SLC16A7: variants seen among roughly 807,000 people sequenced by gnomAD.
The protein encoded by SLC16A7 is solute carrier family 16 member 7, also known as monocarboxylate transporter 2.
In SLC16A7, 33 loss-of-function variants were observed where a neutral mutation model predicts 34.9. The observed-to-expected ratio is 0.94, with a 90% CI of 0.72 to 1.26. SLC16A7 has a LOEUF of 1.26. Ranked by LOEUF, SLC16A7 falls within the 50% of genes most tolerant of loss-of-function variation. SLC16A7 has a pLI of 0.00. For synonymous variants in SLC16A7, 201 were observed against 206.6 expected (o/e 0.97, Z 0.23); for missense variants, 573 against 578.1 (o/e 0.99, Z 0.09).
At chr12:59,604,524 A>G (rs910322361) in intron 1 of SLC16A7, among the ~76,000 whole-genome samples, 32 of 152,370 alleles carry the variant, frequency 2.1e-4, no homozygotes, top group African/African-American at 6.3e-4. Context: ...GGACCAAATA[A>G]GTGGCTATTA....
intron 3 of SLC16A7, among the ~76,000 whole-genome samples, chr12:59,750,395 A>T (rs1190702624): frequency 6.6e-6 from 1 of 152,140 alleles, no homozygotes; most frequent in Non-Finnish European, 1.5e-5. Flanking sequence ...TCAAAAAGTG[A>T]GCAAAGGATA....
intron 1 of SLC16A7, among the ~76,000 whole-genome samples, chr12:59,624,285 CG>C (rs1879825711): frequency 6.6e-6 from 1 of 151,580 alleles, no homozygotes; most frequent in South Asian, 2.1e-4. Context: ...CATTTGCTCT[CG>C]TTTTTTTCTT....
At chr12:59,734,100 TA>T in intron 3 of SLC16A7, 1 of 232,980 alleles carries the variant, frequency 4.3e-6, no homozygotes, top group Non-Finnish European at 8.8e-6. Flanking sequence ...GTCTCTGGAT[TA>T]AAGGTGGGGT....
chr12:59,753,396 A>C (rs1018838849), intron 3 of SLC16A7, among the ~76,000 whole-genome samples: 1 of 152,222 alleles, frequency 6.6e-6, no homozygotes, highest in Non-Finnish European at 1.5e-5. Flanking sequence ...GCTCAAAATA[A>C]AAGGATGGAA....
intron 5 of SLC16A7, among the ~76,000 whole-genome samples, chr12:59,775,747 C>T (rs1882698163): frequency 6.6e-6 from 1 of 151,972 alleles, no homozygotes; most frequent in Non-Finnish European, 1.5e-5. Flanking sequence ...TTATCTACTT[C>T]AGTTGTTTTG....
intron 3 of SLC16A7, among the ~76,000 whole-genome samples, chr12:59,765,414 A>C (rs1018423566): frequency 6.6e-6 from 1 of 152,194 alleles, no homozygotes. Flanking sequence ...GCCCATGCCT[A>C]TGTCCTGAAT....
chr12:59,615,886 C>T (rs1879426788), intron 1 of SLC16A7, among the ~76,000 whole-genome samples: 1 of 152,192 alleles, frequency 6.6e-6, no homozygotes, highest in African/African-American at 2.4e-5. Context: ...TGTTTGTTAC[C>T]TATCTTGCAC....
intron 2 of SLC16A7, among the ~76,000 whole-genome samples, chr12:59,681,924 A>G (rs893634041): frequency 1.3e-5 from 2 of 151,794 alleles, no homozygotes; most frequent in Non-Finnish European, 1.5e-5. Flanking sequence ...CTTAGAGCCA[A>G]TTAGAGTCCT....
In SLC16A7 at chr12:59,786,472, A is replaced by G. The variant is rs1592293736; in HGVS notation, c.*6793A>G. The G allele has an allele frequency of 6.6e-6, 1 of 152,042 alleles. No individual in the cohort carries two copies. The highest frequency in any genetic ancestry group is 2.4e-5 in the African/African-American group (1 of 41,418). 9.4% of individuals were successfully genotyped at this position (152,042 alleles called of 1,614,324 possible). ...TTCTGACAAGCTTTTCAATGGTACG[A>G]TGGATTTTATTTTTCTATCATCAAC... On this transcript the variant is annotated 3_prime_UTR_variant, in exon 6 of 6. Transcript: ENST00000547379.
chr12:59,721,112 A>AT, intron 3 of SLC16A7, among the ~76,000 whole-genome samples: 1 of 151,886 alleles, frequency 6.6e-6, no homozygotes, highest in East Asian at 1.9e-4. Context: ...TGGTAACCAT[A>AT]TTTTATATTA....
At position 59,782,102 on chromosome 12, in the gene SLC16A7, A is replaced by C. The variant is rs2137495335; in HGVS notation, c.*2423A>C. On this transcript the variant is annotated 3_prime_UTR_variant, in exon 6 of 6. Coordinates refer to ENST00000547379, the MANE Select transcript of SLC16A7 (RefSeq NM_001270623.2). The stretch of plus-strand genomic sequence containing the variant: ...CACTGTATTAAATTGTTAGAAAAGA[A>C]AGTAAAACTTGCACATTCAAAGCAC... The C allele has an allele frequency of 6.6e-6, 1 of 152,286 alleles. No individual in the cohort carries two copies. Among genetic ancestry groups the C allele is most frequent in the South Asian group, 2.1e-4 (1 of 4,830 alleles). The allele number at this position is 152,286 out of a possible 1,614,324, so 9.4% of individuals were successfully genotyped here. A position where few individuals can be genotyped will look rare whatever the true frequency, so the allele number is the denominator to read the frequency against.
intron 2 of SLC16A7, among the ~76,000 whole-genome samples, chr12:59,658,942 A>T (rs12297509): frequency 3.9e-5 from 6 of 152,078 alleles, no homozygotes; most frequent in Non-Finnish European, 5.9e-5. Context: ...TATGGTTAAA[A>T]TGAGTATAAT....
intron 2 of SLC16A7, among the ~76,000 whole-genome samples, chr12:59,672,898 C>T (rs1037407060): frequency 6.6e-6 from 1 of 152,120 alleles, no homozygotes; most frequent in African/African-American, 2.4e-5. Flanking sequence ...GGATGGAAGG[C>T]TGTGCCATCT....
chr12:59,633,247 C>T (rs1313431362), intron 1 of SLC16A7, among the ~76,000 whole-genome samples: 1 of 151,954 alleles, frequency 6.6e-6, no homozygotes, highest in African/African-American at 2.4e-5. Flanking sequence ...CTACTCTATT[C>T]TATTTTCTTG....
chr12:59,770,127 T>A (rs1397278435), intron 3 of SLC16A7, among the ~76,000 whole-genome samples: 3 of 152,156 alleles, frequency 2.0e-5, no homozygotes, highest in Non-Finnish European at 4.4e-5. Flanking sequence ...AGAACTTTTT[T>A]AGACTTAAAT....
chr12:59,642,676 T>C (rs1039318039), intron 1 of SLC16A7, among the ~76,000 whole-genome samples: 1 of 152,060 alleles, frequency 6.6e-6, no homozygotes, highest in African/African-American at 2.4e-5. Context: ...CTTTTCCCAC[T>C]GTGATAGTAG....
chr12:59,657,979 T>G (rs1476138102), intron 2 of SLC16A7, among the ~76,000 whole-genome samples: 1 of 151,992 alleles, frequency 6.6e-6, no homozygotes, highest in Non-Finnish European at 1.5e-5. Context: ...ACAAAACAGT[T>G]TGTCTGTGCC....
In SLC16A7 at chr12:59,659,562, G is replaced by T. The variant is rs180809068; in HGVS notation, c.-31+4312G>T. 5.3e-5 allele frequency among the ~76,000 whole-genome samples: 8 copies of T among 152,116 alleles called. No individual in the cohort carries two copies. In the East Asian group the frequency reaches 1.5e-3, roughly 29 times the overall value. Reference sequence around the variant, plus strand: ...TACTCACTATATGTTGCTTAAATTAGTTAATTAATTAAAAACAAGGAAAAA... The same window carrying T: ...TACTCACTATATGTTGCTTAAATTATTTAATTAATTAAAAACAAGGAAAAA... On this transcript the variant is annotated intron_variant, in intron 2 of 5. Transcript: ENST00000547379.
chr12:59,708,424 C>G (rs1231802398), intron 3 of SLC16A7, among the ~76,000 whole-genome samples: 4 of 152,178 alleles, frequency 2.6e-5, no homozygotes, highest in Middle Eastern at 6.8e-3. Flanking sequence ...AAGAAAATCA[C>G]TATTTGATTT....
Sources: allele counts gnomAD v4.1 joint callset (sites outside exome capture counted in the v4.1 genomes callset), GRCh38; gene constraint gnomAD v4.1.1; transcripts MANE v1.5; gene names NCBI Gene and HGNC (gene_info 2026-07-23, HGNC 2026-07-21).